Variants in ZNF407 observed in about 807,000 individuals in gnomAD.
The protein encoded by ZNF407 is zinc finger protein 407.
Under a neutral mutation model 131.2 loss-of-function variants are expected in ZNF407, and 17 were observed. That is an observed-to-expected ratio of 0.13 (90% CI 0.09 to 0.19). The LOEUF is 0.19. Ranked by LOEUF, ZNF407 falls within the 10% of genes least tolerant of loss-of-function variation. The pLI is 1.00. For missense variants in ZNF407, 2,681 were observed against 2,830.6 expected (o/e 0.95, Z 1.20); for synonymous variants, 1,156 against 1,062.0 (o/e 1.09, Z -1.72).
chr18:74,648,262 G>C (rs1015468392), intron 3 of ZNF407, among the ~76,000 whole-genome samples: 1 of 152,282 alleles, frequency 6.6e-6, no homozygotes, highest in Admixed American at 6.5e-5. Flanking sequence ...GCCCATTCCA[G>C]GCGGGGGTTG....
intron 3 of ZNF407, among the ~76,000 whole-genome samples, chr18:74,674,580 TA>T (rs1429775511): frequency 6.6e-6 from 1 of 152,184 alleles, no homozygotes; most frequent in African/African-American, 2.4e-5. Context: ...TCTCTCTTTG[TA>T]GTCTTATTTT....
At chr18:74,851,350 T>C (rs1294467139) in intron 4 of ZNF407, among the ~76,000 whole-genome samples, 1 of 152,226 alleles carries the variant, frequency 6.6e-6, no homozygotes, top group Non-Finnish European at 1.5e-5. Context: ...GCAGAGAACA[T>C]GTATAATCAT....
intron 1 of ZNF407, among the ~76,000 whole-genome samples, chr18:74,625,932 A>G (rs1166728400): frequency 6.6e-6 from 1 of 152,244 alleles, no homozygotes; most frequent in Non-Finnish European, 1.5e-5. Context: ...ATAAATAACC[A>G]TAACAGAAAA....
intron 6 of ZNF407, 67 bp downstream of exon 6, chr18:74,881,186 C>A: frequency 1.5e-6 from 2 of 1,364,856 alleles, no homozygotes; most frequent in Non-Finnish European, 2.0e-6. Context: ...AGCCTCAATT[C>A]TTGATGTCAT....
At chr18:74,865,364 T>C (rs1339913272) in intron 4 of ZNF407, among the ~76,000 whole-genome samples, 2 of 152,254 alleles carry the variant, frequency 1.3e-5, no homozygotes, top group African/African-American at 4.8e-5. Context: ...ACTTTCATTT[T>C]TATTCTTTCC....
At chr18:74,696,537 G>C (rs888065119) in intron 3 of ZNF407, among the ~76,000 whole-genome samples, 1 of 152,188 alleles carries the variant, frequency 6.6e-6, no homozygotes, top group Non-Finnish European at 1.5e-5. Context: ...GCTTCTGGCT[G>C]TGAAACCATT....
At chr18:74,813,032 T>A (rs973778377) in intron 4 of ZNF407, among the ~76,000 whole-genome samples, 3 of 152,168 alleles carry the variant, frequency 2.0e-5, no homozygotes, top group Non-Finnish European at 4.4e-5. Flanking sequence ...TTTCAAGGTT[T>A]TTACTTATTT....
At chr18:74,744,237 C>T (rs1299553478) in intron 3 of ZNF407, among the ~76,000 whole-genome samples, 1 of 152,138 alleles carries the variant, frequency 6.6e-6, no homozygotes, top group African/African-American at 2.4e-5. Flanking sequence ...GGGCACCTCC[C>T]CAAGATTTGG....
chr18:74,829,415 C>G (rs569287126), intron 4 of ZNF407, among the ~76,000 whole-genome samples: 1 of 152,154 alleles, frequency 6.6e-6, no homozygotes, highest in African/African-American at 2.4e-5. Context: ...ATGAATCCAT[C>G]GTAACCTTAC....
intron 3 of ZNF407, among the ~76,000 whole-genome samples, chr18:74,738,344 C>T (rs1179907366): frequency 2.9e-5 from 4 of 138,062 alleles, no homozygotes; most frequent in South Asian, 2.4e-4. Context: ...TGCTTGAACC[C>T]GGGAGGCGGA....
intron 8 of ZNF407, among the ~76,000 whole-genome samples, chr18:74,998,092 A>G (rs1452495987): frequency 1.3e-5 from 2 of 152,172 alleles, no homozygotes; most frequent in Non-Finnish European, 2.9e-5. Context: ...CGCTGCACCC[A>G]CGGGCTCACC....
At chr18:75,023,144 A>C (rs2042616461) in intron 8 of ZNF407, among the ~76,000 whole-genome samples, 1 of 152,160 alleles carries the variant, frequency 6.6e-6, no homozygotes, top group Non-Finnish European at 1.5e-5. Flanking sequence ...ACACATGGAC[A>C]CAGGAAGGAG....
At chr18:74,798,572 A>AT (rs1302619206) in intron 4 of ZNF407, among the ~76,000 whole-genome samples, 1 of 152,162 alleles carries the variant, frequency 6.6e-6, no homozygotes, top group Non-Finnish European at 1.5e-5. Context: ...AACTCTTAAC[A>AT]AACGCTGCTT....
intron 4 of ZNF407, among the ~76,000 whole-genome samples, chr18:74,829,572 G>C (rs1157800667): frequency 1.3e-5 from 2 of 152,106 alleles, no homozygotes; most frequent in African/African-American, 4.8e-5. Context: ...AGTGTTTTGA[G>C]TACAGGCTTT....
chr18:74,681,544 G>T (rs550002143), intron 3 of ZNF407, among the ~76,000 whole-genome samples: 1 of 152,216 alleles, frequency 6.6e-6, no homozygotes, highest in Non-Finnish European at 1.5e-5. Context: ...CGCCTGGCCT[G>T]TTCTAGATAC....
chr18:74,848,512 A>C (rs558474459), intron 4 of ZNF407, among the ~76,000 whole-genome samples: 38 of 152,308 alleles, frequency 2.5e-4, no homozygotes, highest in Middle Eastern at 3.4e-3. Flanking sequence ...CTTGGTTTCA[A>C]TGAACATCTC....
chr18:74,620,618 C>T (rs994024004), intron 1 of ZNF407, among the ~76,000 whole-genome samples: 1 of 152,288 alleles, frequency 6.6e-6, no homozygotes, highest in African/African-American at 2.4e-5. Flanking sequence ...CATGGGAGCA[C>T]GTAGTTCTAG....
At chr18:75,050,599 C>A (rs763512211) in intron 8 of ZNF407, among the ~76,000 whole-genome samples, 1 of 152,190 alleles carries the variant, frequency 6.6e-6, no homozygotes. Context: ...AGGCAATGAA[C>A]GCAGAATTCA....
chr18:74,935,111 C>A (rs2145260437), intron 8 of ZNF407, among the ~76,000 whole-genome samples: 1 of 152,202 alleles, frequency 6.6e-6, no homozygotes, highest in South Asian at 2.1e-4. Context: ...TTAGAAATGA[C>A]TATTTGTAAT....
Sources: gnomAD v4.1 joint callset for allele counts (sites outside exome capture counted in the v4.1 genomes callset) on GRCh38, gnomAD v4.1.1 for gene constraint, MANE v1.5 for transcripts, NCBI Gene and HGNC (gene_info 2026-07-23, HGNC 2026-07-21) for gene names.